TUB: variants seen among roughly 807,000 people sequenced by gnomAD.
The protein encoded by TUB is TUB bipartite transcription factor, also known as tubby protein homolog.
Under a neutral mutation model 59.7 loss-of-function variants are expected in TUB, and 33 were observed. The observed-to-expected ratio is 0.55, with a 90% CI of 0.42 to 0.74. TUB has a LOEUF of 0.74. TUB is among the 30% of genes least tolerant of loss of function. TUB has a pLI of 0.00. For missense variants in TUB, 659 were observed against 672.0 expected (o/e 0.98, Z 0.21); for synonymous variants, 293 against 256.4 (o/e 1.14, Z -1.36).
chr11:8,060,935 C>T (rs184648741), intron 2 of TUB, among the ~76,000 whole-genome samples: 24 of 152,338 alleles, frequency 1.6e-4, no homozygotes, highest in African/African-American at 5.8e-4. Context: ...TATGTCCATG[C>T]TTATGTAGGC....
chr11:8,025,573 A>G (rs1958138605), intron 1 of TUB, among the ~76,000 whole-genome samples: 2 of 152,192 alleles, frequency 1.3e-5, no homozygotes, highest in African/African-American at 4.8e-5. Context: ...AAATGGAATA[A>G]TCAGTATGAA....
rs77884598 is a variant in TUB at position 8,055,266 on chromosome 11, T to C, written c.203+15574T>C. On this transcript the variant is annotated intron_variant, in intron 2 of 12. Transcript: ENST00000305253. ...GAGGTGGGAGGAGAATGCAAGATAG[T>C]GAGTGAGCTTTCTGAAGTGGGTGGC... Among the ~76,000 whole-genome samples the C allele has an allele frequency of 8.6e-3, 1,311 of 152,114 alleles. 14 individuals carry two copies. Among genetic ancestry groups the C allele is most frequent in the Middle Eastern group, 0.058 (17 of 294 alleles).
chr11:8,089,533 A>G (rs1433672867), intron 1 of TUB, 77 bp from the exon 2 acceptor site: 5 of 1,567,526 alleles, frequency 3.2e-6, no homozygotes, highest in Non-Finnish European at 4.4e-6. Flanking sequence ...GGGCCCAGAT[A>G]TGCTGGGGGT....
intron 2 of TUB, among the ~76,000 whole-genome samples, chr11:8,071,364 G>A (rs927929834): frequency 6.6e-6 from 1 of 152,128 alleles, no homozygotes; most frequent in Non-Finnish European, 1.5e-5. Flanking sequence ...TGATGATGGA[G>A]CTCTAGTGAT....
At chr11:8,072,501 G>T (rs1223990289) in intron 2 of TUB, among the ~76,000 whole-genome samples, 4 of 152,200 alleles carry the variant, frequency 2.6e-5, no homozygotes, top group Admixed American at 2.6e-4. Context: ...TCGGGGAGCT[G>T]CCAGCAATCA....
At chr11:8,032,325 G>A (rs1056376598) in intron 1 of TUB, among the ~76,000 whole-genome samples, 4 of 152,294 alleles carry the variant, frequency 2.6e-5, no homozygotes, top group Middle Eastern at 6.8e-3. Context: ...GCTCGTAGCC[G>A]GTGAACACCT....
chr11:8,071,318 T>A (rs554326899), intron 2 of TUB, among the ~76,000 whole-genome samples: 4 of 152,260 alleles, frequency 2.6e-5, no homozygotes, highest in Middle Eastern at 6.8e-3. Flanking sequence ...GTGAGAAATG[T>A]GTATCCTTTT....
chr11:8,023,104 G>A (rs12278501), intron 1 of TUB, among the ~76,000 whole-genome samples: 20,640 of 152,138 alleles, frequency 0.14, 1,620 homozygotes, highest in African/African-American at 0.18. Flanking sequence ...GAGCAGCTGG[G>A]CCTTCTCTCC....
rs1191689415 is a variant in TUB at position 8,104,659 on chromosome 11, C to T, written c.*3040C>T. ...AGGGTTCTGAGTCAGAGGACACCAT[C>T]CAAGAATGTTGTTAGCTTTTCAGTT... On this transcript the variant is annotated 3_prime_UTR_variant, in exon 12 of 12. Coordinates refer to ENST00000299506, the MANE Select transcript of TUB (RefSeq NM_177972.3). The T allele has an allele frequency of 6.6e-6, 1 of 151,828 alleles. No individual in the cohort carries two copies. Among genetic ancestry groups the T allele is most frequent in the Non-Finnish European group, 1.5e-5 (1 of 67,780 alleles). The allele number at this position is 151,828 out of a possible 1,614,324, so 9.4% of individuals were successfully genotyped here.
intron 2 of TUB, among the ~76,000 whole-genome samples, chr11:8,050,256 TA>T (rs1263166701): frequency 6.6e-6 from 1 of 152,266 alleles, no homozygotes; most frequent in Non-Finnish European, 1.5e-5. Context: ...TTGGAAAGTT[TA>T]AAGTATTTGG....
At chr11:8,019,251 A>G (rs1942381210) in exon 1 of TUB, 1 of 1,237,888 alleles carries the variant, frequency 8.1e-7, no homozygotes, top group Non-Finnish European at 1.0e-6. Context: ...AGCCAGCCCC[A>G]AGCCCAGCGC....
At chr11:8,064,728 G>C (rs1399608243) in intron 2 of TUB, among the ~76,000 whole-genome samples, 1 of 152,196 alleles carries the variant, frequency 6.6e-6, no homozygotes, top group Non-Finnish European at 1.5e-5. Context: ...TAGAAACTAG[G>C]TGCCATGGCT....
intron 1 of TUB, among the ~76,000 whole-genome samples, chr11:8,026,563 G>A (rs1942503022): frequency 6.6e-6 from 1 of 150,708 alleles, no homozygotes; most frequent in Non-Finnish European, 1.5e-5. Context: ...TACCTTTATG[G>A]AAAATCAGTT....
Position 8,102,423 on chromosome 11 carries a change from T to G in TUB, c.*804T>G, listed in dbSNP as rs552204718. On this transcript the variant is annotated 3_prime_UTR_variant, in exon 12 of 12. Transcript: ENST00000299506. ...ATGAACAGGGTCCCTGGATCAGGGT[T>G]GTTCTGGGAGTCCTGTCAGCTTCCC... 6.6e-6 allele frequency: 1 copy of G among 152,216 alleles called. No individual in the cohort carries two copies. The highest frequency in any genetic ancestry group is 1.5e-5 in the Non-Finnish European group (1 of 68,062). 9.4% of individuals were successfully genotyped at this position (152,216 alleles called of 1,614,324 possible). A position where few individuals can be genotyped will look rare whatever the true frequency, so the allele number is the denominator to read the frequency against.
chr11:8,020,879 T>G (rs1292060277), intron 1 of TUB, among the ~76,000 whole-genome samples: 2 of 152,202 alleles, frequency 1.3e-5, no homozygotes, highest in Non-Finnish European at 2.9e-5. Context: ...GAGTGCGAAC[T>G]ATATCCTGGG....
chr11:8,055,095 C>G (rs1467317168), intron 2 of TUB, among the ~76,000 whole-genome samples: 1 of 152,158 alleles, frequency 6.6e-6, no homozygotes, highest in African/African-American at 2.4e-5. Flanking sequence ...ACTCATCAGT[C>G]AGGGCAGCTG....
intron 1 of TUB, among the ~76,000 whole-genome samples, 161 bp downstream of exon 1, chr11:8,081,709 C>T (rs1248620647): frequency 1.3e-5 from 2 of 152,160 alleles, no homozygotes; most frequent in African/African-American, 2.4e-5. Flanking sequence ...ACTTTGAGGG[C>T]CCCTGCGGAC....
chr11:8,081,553 G>C lies in TUB; in HGVS notation c.38+5G>C, dbSNP rs1236534936. ...TTCCGACTGGATTCCCTACAGGTACGCGGGCGCCGGGCCGGGGCGCCCACC... is the reference window on the plus strand; with the variant it reads ...TTCCGACTGGATTCCCTACAGGTACCCGGGCGCCGGGCCGGGGCGCCCACC... On this transcript the variant is annotated splice_donor_5th_base_variant and intron_variant, in intron 1 of 11. Transcript: ENST00000299506. 3 of 1,542,412 alleles carry C rather than the reference G, an allele frequency of 1.9e-6. No homozygotes were observed. In the Admixed American group the frequency reaches 5.8e-5, roughly 30 times the overall value.
At chr11:8,087,213 A>C (rs1943685620) in intron 1 of TUB, among the ~76,000 whole-genome samples, 1 of 152,200 alleles carries the variant, frequency 6.6e-6, no homozygotes, top group Non-Finnish European at 1.5e-5. Context: ...GCATTTCCGG[A>C]GGTGGCATTG....
Sources: allele counts gnomAD v4.1 joint callset (sites outside exome capture counted in the v4.1 genomes callset), GRCh38; gene constraint gnomAD v4.1.1; transcripts MANE v1.5; gene names NCBI Gene and HGNC (gene_info 2026-07-23, HGNC 2026-07-21).